GLYR1: variants seen among roughly 807,000 people sequenced by gnomAD.
GLYR1 encodes glyoxylate reductase 1 homolog.
A neutral mutation model predicts 72.7 loss-of-function variants in GLYR1; 21 were observed. The ratio of observed to expected loss-of-function variants is 0.29; its 90% CI spans 0.20 to 0.42. GLYR1 has a LOEUF of 0.42. Among genes scored for constraint, GLYR1 ranks in the 10% least tolerant of loss-of-function variants. GLYR1 has a pLI of 1.00. For missense variants in GLYR1, 594 were observed against 712.1 expected (o/e 0.83, Z 1.89); for synonymous variants, 392 against 270.2 (o/e 1.45, Z -4.42).
At chr16:4,823,647 A>C (rs917333114) in intron 6 of GLYR1, among the ~76,000 whole-genome samples, 174 bp downstream of exon 6, 11 of 152,032 alleles carry the variant, frequency 7.2e-5, no homozygotes, top group African/African-American at 2.4e-4. Flanking sequence ...CGAGCCTCAC[A>C]GTGCTCACCC....
chr16:4,843,640 A>G, intron 3 of GLYR1: 1 of 1,288,784 alleles, frequency 7.8e-7, no homozygotes, highest in Non-Finnish European at 1.0e-6. Flanking sequence ...CTGACATATA[A>G]ACTCCTGGAT....
Position 4,838,197 on chromosome 16 carries a change from G to A in GLYR1, c.156-5285C>T, listed in dbSNP as rs142992705. On this transcript the variant is annotated intron_variant, in intron 3 of 15. Coordinates refer to ENST00000321919, the MANE Select transcript of GLYR1 (RefSeq NM_032569.4). Reference sequence around the variant, plus strand: ...ACACAAATCAGGTGCCAGGTGAAACGAAAAAGGGATGCTTCCAAGCTGCTA... The same window carrying A: ...ACACAAATCAGGTGCCAGGTGAAACAAAAAAGGGATGCTTCCAAGCTGCTA... 9.2e-3 allele frequency among the ~76,000 whole-genome samples: 1,393 copies of A among 152,092 alleles called. 12 individuals carry two copies. Among genetic ancestry groups the A allele is most frequent in the South Asian group, 0.031 (149 of 4,816 alleles).
intron 9 of GLYR1, among the ~76,000 whole-genome samples, chr16:4,820,586 T>C (rs1298785185): frequency 6.6e-6 from 1 of 152,156 alleles, no homozygotes; most frequent in Non-Finnish European, 1.5e-5. Context: ...CAGAGACAAG[T>C]TCACCAAAAA....
intron 12 of GLYR1, among the ~76,000 whole-genome samples, chr16:4,813,472 G>C (rs969002445): frequency 6.6e-6 from 1 of 152,154 alleles, no homozygotes; most frequent in African/African-American, 2.4e-5. Context: ...AATGCCAGGC[G>C]GGCGGCCTGG....
intron 9 of GLYR1, 87 bp from the exon 10 acceptor site, chr16:4,817,784 T>C: frequency 1.2e-6 from 1 of 841,952 alleles, no homozygotes; most frequent in Middle Eastern, 2.2e-4. Context: ...CTCGCTCCCT[T>C]ATACAGCTTG....
chr16:4,846,063 C>A (rs2086019108), intron 2 of GLYR1, 111 bp downstream of exon 2: 3 of 1,210,878 alleles, frequency 2.5e-6, no homozygotes, highest in Non-Finnish European at 3.7e-6. Context: ...TAAGTGCCAT[C>A]TGAATGAGCC....
chr16:4,824,762 C>G (rs1404069587), intron 5 of GLYR1, among the ~76,000 whole-genome samples: 4 of 152,142 alleles, frequency 2.6e-5, no homozygotes, highest in African/African-American at 9.7e-5. Flanking sequence ...GCAAAGGGTC[C>G]TCTTTCCAGT....
At chr16:4,819,249 G>A (rs77468976) in intron 9 of GLYR1, among the ~76,000 whole-genome samples, 22,318 of 152,124 alleles carry the variant, frequency 0.15, 1,896 homozygotes, top group East Asian at 0.24. Flanking sequence ...TTGGTATCAG[G>A]CAATCCTCTC....
At chr16:4,818,161 A>AT (rs2083774039) in intron 9 of GLYR1, among the ~76,000 whole-genome samples, 1 of 151,940 alleles carries the variant, frequency 6.6e-6, no homozygotes, top group Admixed American at 6.6e-5. Flanking sequence ...TGCCCAGCTA[A>AT]TTTTTGTATT....
chr16:4,819,957 T>C (rs2083906360), intron 9 of GLYR1, among the ~76,000 whole-genome samples: 3 of 152,176 alleles, frequency 2.0e-5, no homozygotes, highest in South Asian at 4.1e-4. Context: ...GAATTCCCTT[T>C]CCTTTCTTGG....
At chr16:4,813,317 G>A (rs377520773) in intron 12 of GLYR1, among the ~76,000 whole-genome samples, 10 of 152,118 alleles carry the variant, frequency 6.6e-5, no homozygotes, top group African/African-American at 2.2e-4. Context: ...TCAATGGCTC[G>A]GCTGAACACA....
At chr16:4,820,465 C>T (rs2083941325) in intron 9 of GLYR1, among the ~76,000 whole-genome samples, 1 of 152,192 alleles carries the variant, frequency 6.6e-6, no homozygotes, top group African/African-American at 2.4e-5. Flanking sequence ...TGGGTAAAAA[C>T]ATCAGGACTC....
chr16:4,835,724 G>A (rs997867197), intron 3 of GLYR1, among the ~76,000 whole-genome samples: 5 of 152,208 alleles, frequency 3.3e-5, no homozygotes, highest in Admixed American at 3.3e-4. Context: ...CCAGCTACTC[G>A]GAAGGCTGAG....
intron 5 of GLYR1, among the ~76,000 whole-genome samples, chr16:4,825,732 A>G (rs529114595): frequency 6.6e-6 from 1 of 151,854 alleles, no homozygotes; most frequent in Admixed American, 6.6e-5. Context: ...GCTCACTGCA[A>G]CCTCTGTCTC....
intron 12 of GLYR1, 87 bp from the exon 13 acceptor site, chr16:4,812,335 G>A (rs2083365072): frequency 1.3e-5 from 18 of 1,421,418 alleles, no homozygotes; most frequent in African/African-American, 4.3e-5. Flanking sequence ...GAGTGGCCAC[G>A]GCTGCTCATC....
At chr16:4,844,408 C>T (rs1219965814) in intron 3 of GLYR1, among the ~76,000 whole-genome samples, 1 of 152,162 alleles carries the variant, frequency 6.6e-6, no homozygotes, top group Non-Finnish European at 1.5e-5. Context: ...ATAAAAGTTT[C>T]CACTGTATAC....
At chr16:4,833,189 T>A (rs1191105689) in intron 3 of GLYR1, 1 of 281,924 alleles carries the variant, frequency 3.5e-6, no homozygotes, top group African/African-American at 2.2e-5. Context: ...GATTATTTAT[T>A]TCCACAATCG....
rs545009725 is a variant in GLYR1 at position 4,804,132 on chromosome 16, C to T, written c.*1104G>A. The stretch of plus-strand genomic sequence containing the variant: ...AGAGCTGAGCCTAAGAAATGCTCAT[C>T]GTTGGTCAGGCTGGGTCTGGGCCAA... On this transcript the variant is annotated 3_prime_UTR_variant, in exon 16 of 16. Transcript: ENST00000321919. 6 of 152,356 alleles carry T rather than the reference C, an allele frequency of 3.9e-5. No individual in the cohort carries two copies. Among genetic ancestry groups the T allele is most frequent in the South Asian group, 2.1e-4 (1 of 4,834 alleles). 9.4% of individuals were successfully genotyped at this position (152,356 alleles called of 1,614,324 possible). A position where few individuals can be genotyped will look rare whatever the true frequency, so the allele number is the denominator to read the frequency against.
rs983248122 is a variant in GLYR1, at chr16:4,836,801, CATATT to C, written c.156-3894_156-3890del. ...AGTTTTTGTTTTTGAATGGTGAACACATATTATATTGGAAAAAAAAAAAAAAAACA... is the reference window on the plus strand; with the variant it reads ...AGTTTTTGTTTTTGAATGGTGAACACATATTGGAAAAAAAAAAAAAAAACA... On this transcript the variant is annotated intron_variant, in intron 3 of 15. Coordinates refer to ENST00000321919, the MANE Select transcript of GLYR1 (RefSeq NM_032569.4). Among the ~76,000 whole-genome samples the C allele has an allele frequency of 9.0e-5, 13 of 143,918 alleles. No individual in the cohort carries two copies. The East Asian group carries it at 1.4e-3, about 16-fold the overall frequency. 94.4% of individuals were successfully genotyped at this position (143,918 alleles called of 152,430 possible).
Sources: allele counts gnomAD v4.1 joint callset (sites outside exome capture counted in the v4.1 genomes callset), GRCh38; gene constraint gnomAD v4.1.1; transcripts MANE v1.5; gene names NCBI Gene and HGNC (gene_info 2026-07-23, HGNC 2026-07-21).